PIP5K1C: variants seen among roughly 807,000 people sequenced by gnomAD.
The protein encoded by PIP5K1C is phosphatidylinositol 4-phosphate 5-kinase type-1 gamma.
In PIP5K1C, 45 loss-of-function variants were observed where a neutral mutation model predicts 80.1. That is an observed-to-expected ratio of 0.56 (90% CI 0.44 to 0.72). The LOEUF (loss-of-function observed/expected upper bound fraction) is 0.72, where lower values mean the gene tolerates loss of function less well. Ranked by LOEUF, PIP5K1C falls within the 30% of genes least tolerant of loss-of-function variation. PIP5K1C has a pLI of 0.00. For synonymous variants in PIP5K1C, 498 were observed against 420.1 expected, an observed-to-expected ratio of 1.19 and a Z score of -2.27; for missense variants, 753 against 954.6, an observed-to-expected ratio of 0.79 and a Z score of 2.78.
At chr19:3,689,330 A>G (rs1308834838) in intron 1 of PIP5K1C, among the ~76,000 whole-genome samples, 2 of 152,252 alleles carry the variant, frequency 1.3e-5, no homozygotes, top group African/African-American at 4.8e-5. Context: ...GTGCGCCTGA[A>G]GTGTCTGCAG....
At chr19:3,666,271 G>A (rs190022081) in intron 2 of PIP5K1C, among the ~76,000 whole-genome samples, 197 of 152,114 alleles carry the variant, frequency 1.3e-3, no homozygotes, top group African/African-American at 4.1e-3. Flanking sequence ...GACTGCATGC[G>A]GGAAGACGGG....
rs139181863 is a variant in PIP5K1C at position 3,687,050 on chromosome 19, G to A, written c.94+13247C>T. 3.6e-3 allele frequency among the ~76,000 whole-genome samples: 555 copies of A among 152,166 alleles called. 2 individuals carry two copies. The highest frequency in any genetic ancestry group is 0.013 in the African/African-American group (531 of 41,516). ...CCTACTAAAAACACAAAAATTAGCC[G>A]GGCATAGTGGTGCACACCTATAATC... On this transcript the variant is annotated intron_variant, in intron 1 of 17. Transcript: ENST00000335312.
chr19:3,667,418 C>A (rs528184618), intron 1 of PIP5K1C, 65 bp from the exon 2 acceptor site: 5 of 1,589,806 alleles, frequency 3.1e-6, no homozygotes, highest in Admixed American at 3.3e-5. Flanking sequence ...CTGGGCCCAG[C>A]CCCCGGCCCA....
In PIP5K1C at chr19:3,637,454, C is replaced by G. The variant is rs552785133; in HGVS notation, c.1920+1430G>C. On this transcript the variant is annotated intron_variant, in intron 16 of 17. Transcript: ENST00000335312. The surrounding 1 kb of genome is among the most constrained non-coding windows in gnomAD (Gnocchi z 7.0). The stretch of plus-strand genomic sequence containing the variant: ...AAAACAACTGACGTCAGACACTGAG[C>G]TTCCGGCCGGGGACCTGCGGCTCCC... 3.1e-4 allele frequency: 480 copies of G among 1,535,732 alleles called. No homozygotes were observed. In the African/African-American group the frequency reaches 5.7e-3, roughly 18 times the overall value.
chr19:3,681,046 G>C (rs927263420), intron 1 of PIP5K1C, among the ~76,000 whole-genome samples: 1 of 152,146 alleles, frequency 6.6e-6, no homozygotes, highest in Non-Finnish European at 1.5e-5. Flanking sequence ...CCCTGTTTTA[G>C]AGACTGGGAT....
Position 3,692,715 on chromosome 19 carries a change from C to G in PIP5K1C, c.94+7582G>C, listed in dbSNP as rs564969115. On this transcript the variant is annotated intron_variant, in intron 1 of 17. Transcript: ENST00000335312. This position sits in a 1 kb window ranked among gnomAD's most constrained non-coding sequence, Gnocchi z 5.2. ...GGGGTGCCTGTGAGCTCCTGAGTCT[C>G]GCCCATCCCTCCTCTGCCCGCAGCC... Among the ~76,000 whole-genome samples the G allele has an allele frequency of 6.6e-6, 1 of 151,970 alleles. No individual in the cohort carries two copies. Among genetic ancestry groups the G allele is most frequent in the Non-Finnish European group, 1.5e-5 (1 of 67,958 alleles).
intron 5 of PIP5K1C, among the ~76,000 whole-genome samples, chr19:3,656,840 G>A (rs552549548): frequency 2.0e-5 from 3 of 152,340 alleles, no homozygotes; most frequent in South Asian, 4.1e-4. Context: ...TCGCACCGGG[G>A]TGCTGACGCG....
intron 3 of PIP5K1C, among the ~76,000 whole-genome samples, chr19:3,663,632 G>A (rs1252487671): frequency 6.6e-6 from 1 of 152,166 alleles, no homozygotes; most frequent in East Asian, 1.9e-4. Flanking sequence ...TGGGCAACAT[G>A]GTGAAACCCC....
intron 1 of PIP5K1C, among the ~76,000 whole-genome samples, chr19:3,671,317 C>A (rs1395232254): frequency 6.6e-6 from 1 of 152,270 alleles, no homozygotes; most frequent in African/African-American, 2.4e-5. Flanking sequence ...CTCCCTACGG[C>A]CCCGGGACCC....
chr19:3,654,915 T>C (rs2034569222), intron 6 of PIP5K1C, among the ~76,000 whole-genome samples: 1 of 151,286 alleles, frequency 6.6e-6, no homozygotes, highest in African/African-American at 2.4e-5. Flanking sequence ...GGAGACCAGC[T>C]TGACCAACAC....
At chr19:3,657,861 G>A (rs1012179322) in intron 5 of PIP5K1C, among the ~76,000 whole-genome samples, 1 of 152,092 alleles carries the variant, frequency 6.6e-6, no homozygotes, top group African/African-American at 2.4e-5. Context: ...CTTGAGCCCA[G>A]GAGGTCAAGG....
At chr19:3,634,270 C>T (rs1403377387) in intron 16 of PIP5K1C, among the ~76,000 whole-genome samples, 5 of 152,084 alleles carry the variant, frequency 3.3e-5, no homozygotes, top group African/African-American at 4.8e-5. Flanking sequence ...CCAACACCTC[C>T]GTCCCGCCTC....
Position 3,661,872 on chromosome 19 carries a change from T to G in PIP5K1C, c.349A>C (p.Ser117Arg). 1 of 1,611,984 alleles carries G rather than the reference T, an allele frequency of 6.2e-7. No individual in the cohort carries two copies. The highest frequency in any genetic ancestry group is 8.5e-7 in the Non-Finnish European group (1 of 1,179,954). ...FYVVESIFFP[S>R]EGSNLTPAHH... ...TGAGGCTCCGGGGGCCCGGCCCACCTGGGGAAGAAGATGCTCTCCACCACG... is the reference window on the plus strand; with the variant it reads ...TGAGGCTCCGGGGGCCCGGCCCACCGGGGGAAGAAGATGCTCTCCACCACG... Residue 117 changes from serine to arginine, a missense_variant and splice_region_variant, in exon 4 of 18, where the codon AGC becomes CGC. Physicochemically the swap from Ser to Arg is moderately radical, Grantham distance 110. Transcript: ENST00000335312.
chr19:3,658,760 C>T (rs1019767086), intron 5 of PIP5K1C, among the ~76,000 whole-genome samples: 6 of 152,226 alleles, frequency 3.9e-5, no homozygotes, highest in Non-Finnish European at 8.8e-5. Flanking sequence ...GCACGTTCGG[C>T]TTTGTACAAA....
At chr19:3,669,505 A>C (rs890172603) in intron 1 of PIP5K1C, among the ~76,000 whole-genome samples, 1 of 152,158 alleles carries the variant, frequency 6.6e-6, no homozygotes, top group Non-Finnish European at 1.5e-5. Flanking sequence ...GAGGGGACAG[A>C]GGAGAATTTC....
At chr19:3,660,709 C>G (rs990948400) in intron 5 of PIP5K1C, among the ~76,000 whole-genome samples, 1 of 152,030 alleles carries the variant, frequency 6.6e-6, no homozygotes, top group African/African-American at 2.4e-5. Flanking sequence ...ATGACAAGGC[C>G]CACATGGTGA....
intron 1 of PIP5K1C, among the ~76,000 whole-genome samples, chr19:3,677,750 G>GAAT (rs2035408666): frequency 1.7e-5 from 2 of 120,460 alleles, no homozygotes; most frequent in Non-Finnish European, 3.5e-5. Flanking sequence ...GTGGGATGGA[G>GAAT]GGAGGGATGG....
At chr19:3,678,587 A>AAGGGATGG (rs1176292500) in intron 1 of PIP5K1C, among the ~76,000 whole-genome samples, 8 of 28,626 alleles carry the variant, frequency 2.8e-4, no homozygotes, top group African/African-American at 1.8e-4. Context: ...TGGAGGGATA[A>AAGGGATGG]AGGGATGGAG....
chr19:3,695,264 C>T (rs905572478), intron 1 of PIP5K1C, among the ~76,000 whole-genome samples: 3 of 152,172 alleles, frequency 2.0e-5, no homozygotes, highest in Non-Finnish European at 2.9e-5. Context: ...TTTCACGAGC[C>T]GACTCCCATG....
Sources: gnomAD v4.1 joint callset for allele counts (sites outside exome capture counted in the v4.1 genomes callset) on GRCh38, gnomAD v4.1.1 for gene constraint, Gnocchi (gnomAD v3.1) non-coding constraint, MANE v1.5 for transcripts, NCBI Gene and HGNC (gene_info 2026-07-23, HGNC 2026-07-21) for gene names.